The following PCDHGA6 variants were observed in gnomAD, a reference collection of about 807,000 sequenced individuals.
PCDHGA6 encodes the protein protocadherin gamma-A6.
In PCDHGA6, 41 loss-of-function variants were observed where a neutral mutation model predicts 60.6. The ratio of observed to expected loss-of-function variants is 0.68; its 90% CI spans 0.53 to 0.88. The LOEUF (loss-of-function observed/expected upper bound fraction) is 0.88. Ranked by LOEUF, PCDHGA6 falls within the 40% of genes least tolerant of loss-of-function variation. The probability of loss-of-function intolerance (pLI) is 0.00; values close to 1 mark genes in which losing one functional copy is unlikely to be tolerated. For synonymous variants in PCDHGA6, 594 were observed against 524.4 expected, an observed-to-expected ratio of 1.13 and a Z score of -1.81; for missense variants, 1,312 against 1,203.0, an observed-to-expected ratio of 1.09 and a Z score of -1.34.
intron 1 of PCDHGA6, chr5:141,421,033 C>T (rs915028623): frequency 2.4e-5 from 13 of 533,788 alleles, no homozygotes; most frequent in Non-Finnish European, 6.5e-6. Context: ...CCATTGAGTC[C>T]CTCCCTCCCC....
chr5:141,375,213 G>A lies in PCDHGA6; in HGVS notation c.1130G>A (p.Gly377Asp), dbSNP rs778646849. The A allele has an allele frequency of 5.6e-6, 9 of 1,613,810 alleles. No individual in the cohort carries two copies. The highest frequency in any genetic ancestry group is 7.6e-6 in the Non-Finnish European group (9 of 1,179,892). The change falls in exon 1 of 4, where the codon GGC (glycine) becomes GAC (aspartate). Residue 377 changes from glycine to aspartate, a missense_variant. Gly to Asp is a moderately conservative substitution (Grantham distance 94). Transcript: ENST00000517434. ...ALFQVFDRDS[G>D]LNGLVTCSIP... ...TTTCAAGTGTTCGATCGAGACTCTG[G>A]CCTGAATGGCCTGGTAACCTGTTCC...
At chr5:141,447,647 T>C (rs1338920727) in intron 1 of PCDHGA6, among the ~76,000 whole-genome samples, 1 of 152,092 alleles carries the variant, frequency 6.6e-6, no homozygotes, top group African/African-American at 2.4e-5. Flanking sequence ...GATGGTAGAA[T>C]TTTCCCCCCC....
At position 141,500,878 on chromosome 5, in the gene PCDHGA6, T is replaced by A. The variant is rs545375199; in HGVS notation, c.2484-4515T>A. On this transcript the variant is annotated intron_variant, in intron 2 of 3. Transcript: ENST00000517434. The stretch of plus-strand genomic sequence containing the variant: ...AGAAAACATACACATTCATTTACAA[T>A]TTTTTTTTTTTGAGACAGTCTCGCT... Among the ~76,000 whole-genome samples, 20 of 92,410 alleles carry A rather than the reference T, an allele frequency of 2.2e-4. 1 individual carries two copies. The East Asian group carries it at 4.8e-3, about 22-fold the overall frequency. The allele number at this position is 92,410 out of a possible 152,430, so 60.6% of individuals were successfully genotyped here.
chr5:141,505,450 G>T lies in PCDHGA6; in HGVS notation c.2541G>T (p.Met847Ile). Residue 847 changes from methionine (M) to isoleucine (I), a missense_variant, in exon 3 of 4, where the codon ATG becomes ATT. By Grantham distance (10) the Met-to-Ile change is conservative (BLOSUM62 1). Coordinates refer to ENST00000517434, the MANE Select transcript of PCDHGA6 (RefSeq NM_018919.3). ...TWPNNQFDTE[M>I]LQAMILASAS... ...CCAACAACCAGTTTGACACAGAGAT[G>T]CTGCAAGCCATGATCTTGGCGTCCG... 6.2e-7 allele frequency: 1 copy of T among 1,614,194 alleles called. No homozygotes were observed. The highest frequency in any genetic ancestry group is 8.5e-7 in the Non-Finnish European group (1 of 1,180,012).
intron 1 of PCDHGA6, chr5:141,400,049 C>G (rs1242848324): frequency 6.2e-7 from 1 of 1,613,572 alleles, no homozygotes; most frequent in Non-Finnish European, 8.5e-7. Context: ...CTGCTGGTTG[C>G]TGTGCGTGAT....
rs768985461 is a variant in PCDHGA6, at chr5:141,403,714, C to T, written c.2424+27207C>T. ...TTTACCGAGTTAAAGTCCTTGAGAA[C>T]GTGCCCCCAGGCACCTGGCTGCTTA... On this transcript the variant is annotated intron_variant, in intron 1 of 3. Transcript: ENST00000517434. 10 of 1,613,792 alleles carry T rather than the reference C, an allele frequency of 6.2e-6. No homozygotes were observed. In the South Asian group the frequency reaches 6.6e-5, roughly 11 times the overall value.
chr5:141,417,833 G>A (rs968698994), intron 1 of PCDHGA6: 8 of 1,529,614 alleles, frequency 5.2e-6, no homozygotes, highest in Middle Eastern at 1.7e-4. Context: ...TGGAAAAGCG[G>A]GGACCCAGCG....
intron 1 of PCDHGA6, chr5:141,408,394 C>T: frequency 6.2e-7 from 1 of 1,614,034 alleles, no homozygotes; most frequent in Non-Finnish European, 8.5e-7. Flanking sequence ...TGTCGGCTCG[C>T]AAGCTGCGAG....
intron 1 of PCDHGA6, among the ~76,000 whole-genome samples, chr5:141,460,983 GTATATATATATA>G (rs59296681): frequency 7.3e-6 from 1 of 137,780 alleles, no homozygotes. Flanking sequence ...GTGTGTGTGT[GTATATATATATA>G]TGTGTATATA....
Position 141,375,150 on chromosome 5 carries a change from T to C in PCDHGA6, c.1067T>C (p.Ile356Thr). 3 of 1,613,946 alleles carry C rather than the reference T, an allele frequency of 1.9e-6. No homozygotes were observed. The highest frequency in any genetic ancestry group is 2.5e-6 in the Non-Finnish European group (3 of 1,179,890). ...EVVVTSGSRT[I>T]AESAPPGTVI... ...GTTGTTACATCTGGAAGCAGAACAA[T>C]TGCTGAAAGTGCACCTCCAGGAACA... is the stretch of plus-strand genomic sequence containing the variant. The change falls in exon 1 of 4, where the codon ATT (isoleucine) becomes ACT (threonine). Residue 356 changes from isoleucine (I) to threonine (T), a missense_variant. Transcript: ENST00000517434.
At chr5:141,401,033 C>T (rs1437899833) in intron 1 of PCDHGA6, among the ~76,000 whole-genome samples, 1 of 152,016 alleles carries the variant, frequency 6.6e-6, no homozygotes, top group Non-Finnish European at 1.5e-5. Context: ...TTTGAATCTC[C>T]TAAAATTTTA....
In PCDHGA6 at chr5:141,385,275, A is replaced by G. The variant is rs115152670; in HGVS notation, c.2424+8768A>G. The G allele has an allele frequency of 1.9e-3, 3,011 of 1,613,598 alleles. 48 individuals carry two copies. In the African/African-American group the frequency reaches 0.033, roughly 18 times the overall value. On this transcript the variant is annotated intron_variant, in intron 1 of 3. Coordinates refer to ENST00000517434, the MANE Select transcript of PCDHGA6 (RefSeq NM_018919.3). ...GCTGTGAGAAAAATGATTCTTTGCTAACATCCGTAGATTTTCAGGAATGTA... is the reference window on the plus strand; with the variant it reads ...GCTGTGAGAAAAATGATTCTTTGCTGACATCCGTAGATTTTCAGGAATGTA...
chr5:141,486,148 G>A lies in PCDHGA6; in HGVS notation c.2425-8659G>A. On this transcript the variant is annotated intron_variant, in intron 1 of 3. Coordinates refer to ENST00000517434, the MANE Select transcript of PCDHGA6 (RefSeq NM_018919.3). This position sits in a 1 kb window ranked among gnomAD's most constrained non-coding sequence, Gnocchi z 5.0. ...AATTTGATGTGCGGGCTCGCGATGG[G>A]GGTTCTCCAGCCATGGAGCAACATT... 2 of 1,614,164 alleles carry A rather than the reference G, an allele frequency of 1.2e-6. No homozygotes were observed. The highest frequency in any genetic ancestry group is 1.7e-6 in the Non-Finnish European group (2 of 1,180,026).
At chr5:141,451,091 G>A (rs2098706622) in intron 1 of PCDHGA6, among the ~76,000 whole-genome samples, 1 of 151,962 alleles carries the variant, frequency 6.6e-6, no homozygotes, top group South Asian at 2.1e-4. Context: ...ACCTCCCAAA[G>A]TGTTGGGATT....
intron 1 of PCDHGA6, chr5:141,394,201 A>G (rs764975219): frequency 2.5e-6 from 4 of 1,613,874 alleles, no homozygotes; most frequent in Admixed American, 1.7e-5. Context: ...TATATCCTAG[A>G]GAACAACCTG....
At position 141,477,166 on chromosome 5, in the gene PCDHGA6, G is replaced by A. The variant is rs753389305; in HGVS notation, c.2425-17641G>A. ...TTGTGGATGTGAATGACAACGCCCC[G>A]GAGATCACAGTCACCTCCGTGTACA... On this transcript the variant is annotated intron_variant, in intron 1 of 3. Transcript: ENST00000517434. This position sits in a 1 kb window ranked among gnomAD's most constrained non-coding sequence, Gnocchi z 4.9. 5.9e-5 allele frequency: 96 copies of A among 1,614,012 alleles called. 1 individual carries two copies. Among genetic ancestry groups the A allele is most frequent in the Non-Finnish European group, 7.9e-5 (93 of 1,180,030 alleles).
Position 141,374,105 on chromosome 5 carries a change from C to T in PCDHGA6, c.22C>T (p.Pro8Ser). MAPPQRH[P>S]QRSEQVLLLT... ...AGTAATGGCGCCTCCGCAGAGGCAT[C>T]CGCAGCGCAGCGAGCAGGTCCTGCT... The change falls in exon 1 of 4, where the codon CCG becomes TCG. Residue 8 changes from proline to serine, a missense_variant. By Grantham distance (74) the Pro-to-Ser change is moderately conservative (BLOSUM62 -1). Transcript: ENST00000517434. 6.4e-7 allele frequency: 1 copy of T among 1,572,258 alleles called. No individual in the cohort carries two copies. Among genetic ancestry groups the T allele is most frequent in the Non-Finnish European group, 8.6e-7 (1 of 1,157,272 alleles).
In PCDHGA6 at chr5:141,420,182, C is replaced by G. The variant is rs375716662; in HGVS notation, c.2424+43675C>G. The G allele has an allele frequency of 3.7e-6, 6 of 1,613,694 alleles. No individual in the cohort carries two copies. In the African/African-American group the frequency reaches 8.0e-5, roughly 22 times the overall value. Reference sequence around the variant, plus strand: ...TTTTTTCACATCTGTTGATCATTGTCCAGCCACACAAGATAACCTCAACAA... The same window carrying G: ...TTTTTTCACATCTGTTGATCATTGTGCAGCCACACAAGATAACCTCAACAA... On this transcript the variant is annotated intron_variant, in intron 1 of 3. Transcript: ENST00000517434.
Position 141,375,457 on chromosome 5 carries a change from A to T in PCDHGA6, c.1374A>T (p.Ser458=). The T allele has an allele frequency of 6.2e-7, 1 of 1,613,816 alleles. No homozygotes were observed. The highest frequency in any genetic ancestry group is 2.2e-5 in the East Asian group (1 of 44,880). ...CCACCTTCCCCCATTCATCCTACTC[A>T]GTCTATGTCCTTGAAAACAACCCCA... ...NPPTFPHSSY[S]VYVLENNPRG... is the part of the protein sequence containing the mutation. Residue 458 remains serine (S), a synonymous_variant, in exon 1 of 4, where the codon TCA becomes TCT. Coordinates refer to ENST00000517434, the MANE Select transcript of PCDHGA6 (RefSeq NM_018919.3).
Sources: allele counts gnomAD v4.1 joint callset (sites outside exome capture counted in the v4.1 genomes callset), GRCh38; gene constraint gnomAD v4.1.1; non-coding constraint Gnocchi (gnomAD v3.1); transcripts MANE v1.5; gene names NCBI Gene and HGNC (gene_info 2026-07-23, HGNC 2026-07-21).